Variants in ZNF138 observed in about 807,000 individuals in gnomAD.
ZNF138 encodes the protein zinc finger protein 138 (clone pHZ-32).
ZNF138 carries 33 observed loss-of-function variants against 33.0 expected under a neutral mutation model. That is an observed-to-expected ratio of 1.00 (90% CI 0.76 to 1.34). ZNF138 has a LOEUF of 1.34. Among genes scored for constraint, ZNF138 ranks in the 40% most tolerant of loss-of-function variants. ZNF138 has a pLI of 0.00. For synonymous variants in ZNF138, 139 were observed against 120.4 expected, an observed-to-expected ratio of 1.15 and a Z score of -1.01; for missense variants, 360 against 370.8, an observed-to-expected ratio of 0.97 and a Z score of 0.24.
At chr7:64,829,466 G>GT (rs1249186354) in intron 3 of ZNF138, among the ~76,000 whole-genome samples, 1 of 149,482 alleles carries the variant, frequency 6.7e-6, no homozygotes, top group Non-Finnish European at 1.5e-5. Context: ...CTATTATTTT[G>GT]TAATTTTTAA....
At position 64,831,510 on chromosome 7, in the gene ZNF138, CA is replaced by C; in HGVS notation, c.273del (p.Val92Ter). The part of the protein sequence containing the change: ...WLEQNIKDSF[Q>X]KVTLSRYGKY... ...AGAGCAGAACATAAAAGATTCTTTCCAAAAAGTGACACTGAGCAGATATGGA... is the reference window on the plus strand; with the variant it reads ...AGAGCAGAACATAAAAGATTCTTTCCAAAAGTGACACTGAGCAGATATGGA... On this transcript the variant is annotated frameshift_variant, in exon 4 of 4. Coordinates refer to ENST00000307355, the MANE Select transcript of ZNF138 (RefSeq NM_001271639.2). LOFTEE classifies it high-confidence loss of function. The C allele has an allele frequency of 6.2e-7, 1 of 1,605,600 alleles. No individual in the cohort carries two copies. Among genetic ancestry groups the C allele is most frequent in the Non-Finnish European group, 8.5e-7 (1 of 1,177,556 alleles).
chr7:64,833,664 A>G lies in ZNF138; in HGVS notation c.*1462A>G, dbSNP rs527902592. Reference sequence around the variant, plus strand: ...ACTTAATAAAAGCATTATAAATGCAATTACTGTCAAAACTCAGCATAAGGT... The same window carrying G: ...ACTTAATAAAAGCATTATAAATGCAGTTACTGTCAAAACTCAGCATAAGGT... On this transcript the variant is annotated 3_prime_UTR_variant, in exon 4 of 4. Transcript: ENST00000307355. 3.9e-5 allele frequency: 6 copies of G among 152,430 alleles called. No homozygotes were observed. Among genetic ancestry groups the G allele is most frequent in the Admixed American group, 3.9e-4 (6 of 15,284 alleles). The allele number at this position is 152,430 out of a possible 1,614,324, so 9.4% of individuals were successfully genotyped here. A position where few individuals can be genotyped will look rare whatever the true frequency, so the allele number is the denominator to read the frequency against.
At chr7:64,822,164 C>G (rs188144491) in intron 3 of ZNF138, among the ~76,000 whole-genome samples, 5 of 151,452 alleles carry the variant, frequency 3.3e-5, no homozygotes, top group Non-Finnish European at 7.4e-5. Context: ...CAAGATCCAC[C>G]CACCTTGGCC....
At chr7:64,807,687 G>T (rs1787722007) in intron 1 of ZNF138, among the ~76,000 whole-genome samples, 1 of 152,174 alleles carries the variant, frequency 6.6e-6, no homozygotes, top group South Asian at 2.1e-4. Flanking sequence ...CCAACAGGAG[G>T]CATTTTCTGC....
intron 3 of ZNF138, among the ~76,000 whole-genome samples, chr7:64,829,184 T>C (rs985791896): frequency 1.3e-4 from 20 of 152,150 alleles, no homozygotes; most frequent in African/African-American, 4.3e-4. Flanking sequence ...TTAATGTTGT[T>C]AGGAGTATTC....
At chr7:64,852,791 T>C in the ZNF138 span, 8 of 841,740 alleles carry the variant, frequency 9.5e-6, no homozygotes, top group African/African-American at 5.0e-5. Context: ...TGGTACTGCA[T>C]TGTCTGGCAT....
chr7:64,860,405 C>T, the ZNF138 span, among the ~76,000 whole-genome samples: 1 of 152,122 alleles, frequency 6.6e-6, no homozygotes, highest in African/African-American at 2.4e-5. Flanking sequence ...GGTACACTTC[C>T]ATCAACATTT....
intron 3 of ZNF138, among the ~76,000 whole-genome samples, chr7:64,825,332 C>T (rs985285339): frequency 2.0e-5 from 3 of 150,590 alleles, no homozygotes; most frequent in African/African-American, 7.3e-5. Context: ...GCCAACAGGG[C>T]CGGCTAATTT....
At chr7:64,794,636 G>T in intron 1 of ZNF138, 65 bp downstream of exon 1, 3 of 1,609,668 alleles carry the variant, frequency 1.9e-6, no homozygotes, top group East Asian at 2.2e-5. Flanking sequence ...GGTCGGAAGT[G>T]GCTGTGGCAG....
the ZNF138 span, among the ~76,000 whole-genome samples, chr7:64,845,768 A>C: frequency 6.6e-6 from 1 of 151,872 alleles, no homozygotes; most frequent in Admixed American, 6.6e-5. Flanking sequence ...CTTTTCGGTG[A>C]GATTGTTTTT....
chr7:64,817,073 T>A (rs1002545892), intron 3 of ZNF138, among the ~76,000 whole-genome samples: 1 of 152,202 alleles, frequency 6.6e-6, no homozygotes, highest in African/African-American at 2.4e-5. Flanking sequence ...TATATCAGGA[T>A]ATGGATGAGT....
chr7:64,819,486 G>A (rs934164863), intron 3 of ZNF138, among the ~76,000 whole-genome samples: 1 of 151,626 alleles, frequency 6.6e-6, no homozygotes, highest in South Asian at 2.1e-4. Flanking sequence ...TCCTGCCTCA[G>A]TCTCCTCAGT....
At chr7:64,819,213 G>T (rs1051360796) in intron 3 of ZNF138, among the ~76,000 whole-genome samples, 1 of 151,874 alleles carries the variant, frequency 6.6e-6, no homozygotes, top group Non-Finnish European at 1.5e-5. Context: ...GGCTTATCTT[G>T]TTTATATTCA....
chr7:64,839,459 C>G, the ZNF138 span, among the ~76,000 whole-genome samples: 1 of 152,104 alleles, frequency 6.6e-6, no homozygotes, highest in Non-Finnish European at 1.5e-5. Context: ...ACAGACGTCT[C>G]TGAGTCGTCA....
At chr7:64,824,710 A>G (rs1789429772) in intron 3 of ZNF138, among the ~76,000 whole-genome samples, 1 of 152,170 alleles carries the variant, frequency 6.6e-6, no homozygotes, top group African/African-American at 2.4e-5. Flanking sequence ...AGTATTACAT[A>G]ATATCAGTTT....
intron 3 of ZNF138, among the ~76,000 whole-genome samples, chr7:64,816,543 TC>T (rs750088895): frequency 6.6e-5 from 10 of 152,166 alleles, no homozygotes; most frequent in Non-Finnish European, 1.5e-4. Context: ...ATTTTATATT[TC>T]GGTAATTTAC....
chr7:64,802,222 G>A (rs1031013402), intron 1 of ZNF138, among the ~76,000 whole-genome samples: 5 of 152,232 alleles, frequency 3.3e-5, no homozygotes, highest in African/African-American at 9.6e-5. Flanking sequence ...TGAAGACCTC[G>A]GATCAATAGA....
chr7:64,853,363 G>A, the ZNF138 span: 3 of 1,450,422 alleles, frequency 2.1e-6, no homozygotes, highest in South Asian at 2.5e-5. Context: ...ATGGTTGTTG[G>A]GCCCCACTCT....
At chr7:64,837,720 G>C (rs1270186620), downstream of ZNF138, among the ~76,000 whole-genome samples, 1 of 152,150 alleles carries the variant, frequency 6.6e-6, no homozygotes, top group East Asian at 1.9e-4. Flanking sequence ...AAGTGTGGTT[G>C]TCACCTGTTT....
Sources: allele counts gnomAD v4.1 joint callset (sites outside exome capture counted in the v4.1 genomes callset), GRCh38; gene constraint gnomAD v4.1.1; transcripts MANE v1.5; gene names NCBI Gene and HGNC (gene_info 2026-07-23, HGNC 2026-07-21).